Variants in XRN2 observed in about 807,000 individuals in gnomAD.
XRN2 encodes the protein 5'-3' exoribonuclease 2.
XRN2 carries 44 observed loss-of-function variants against 138.5 expected under a neutral mutation model. That is an observed-to-expected ratio of 0.32 (90% CI 0.25 to 0.41). XRN2 has a LOEUF of 0.41. XRN2 is among the 10% of genes least tolerant of loss of function. The pLI is 1.00. For missense variants in XRN2, 937 were observed against 1,169.3 expected (o/e 0.80, Z 2.90); for synonymous variants, 354 against 369.4 (o/e 0.96, Z 0.48).
rs199511198 is a variant in XRN2 at position 21,344,133 on chromosome 20, C to A, written c.1454C>A (p.Ser485Tyr). The change falls in exon 16 of 30, where the codon TCC (serine) becomes TAC (tyrosine). Residue 485 changes from serine (S) to tyrosine (Y), a missense_variant. Physicochemically the swap from Ser to Tyr is moderately radical, Grantham distance 144. This residue lies in a region of XRN2 where 471 missense variants were observed against 581.2 expected (regional missense o/e 0.81). Transcript: ENST00000377191. ...SPNTSFTSDG[S>Y]PSPLGGIKRK... Reference sequence around the variant, plus strand: ...AATACGAGTTTCACATCTGATGGCTCCCCGTCTCCATTAGGAGGAATTAAG... The same window carrying A: ...AATACGAGTTTCACATCTGATGGCTACCCGTCTCCATTAGGAGGAATTAAG... The A allele has an allele frequency of 6.2e-7, 1 of 1,613,242 alleles. No homozygotes were observed. The highest frequency in any genetic ancestry group is 1.3e-5 in the African/African-American group (1 of 75,016).
chr20:21,319,769 A>AT (rs2038012095), intron 1 of XRN2, among the ~76,000 whole-genome samples: 3 of 152,082 alleles, frequency 2.0e-5, no homozygotes, highest in Admixed American at 6.5e-5. Flanking sequence ...CCAACAATAC[A>AT]TTTTTTTAAG....
intron 20 of XRN2, among the ~76,000 whole-genome samples, chr20:21,351,799 A>G (rs1260422014): frequency 6.6e-6 from 1 of 152,112 alleles, no homozygotes; most frequent in African/African-American, 2.4e-5. Context: ...ATTCTTTTGC[A>G]TGTGCATATC....
intron 1 of XRN2, among the ~76,000 whole-genome samples, chr20:21,320,212 T>A (rs183638983): frequency 6.6e-6 from 1 of 152,240 alleles, no homozygotes; most frequent in Admixed American, 6.5e-5. Context: ...TTGTTGTTTG[T>A]TTGTTTCCAC....
At chr20:21,362,445 A>G (rs1019522289) in intron 24 of XRN2, among the ~76,000 whole-genome samples, 3 of 152,100 alleles carry the variant, frequency 2.0e-5, no homozygotes, top group African/African-American at 7.2e-5. Flanking sequence ...CTCGATCTCC[A>G]TTCTAGTTCC....
At chr20:21,323,695 C>CT (rs1181327352) in intron 1 of XRN2, among the ~76,000 whole-genome samples, 1 of 152,184 alleles carries the variant, frequency 6.6e-6, no homozygotes, top group African/African-American at 2.4e-5. Context: ...CTACTCCGTA[C>CT]TTTATTTTTT....
chr20:21,370,045 T>G (rs925470075), intron 27 of XRN2, among the ~76,000 whole-genome samples: 1 of 152,176 alleles, frequency 6.6e-6, no homozygotes, highest in Non-Finnish European at 1.5e-5. Context: ...TGATGAGAGA[T>G]AAATTTATGG....
chr20:21,353,986 CT>C (rs2038545778), intron 20 of XRN2, among the ~76,000 whole-genome samples: 1 of 152,060 alleles, frequency 6.6e-6, no homozygotes, highest in Non-Finnish European at 1.5e-5. Context: ...TAGCATTTGT[CT>C]TTGCTGTGTA....
At chr20:21,342,634 A>G (rs1379686900) in intron 15 of XRN2, among the ~76,000 whole-genome samples, 1 of 152,242 alleles carries the variant, frequency 6.6e-6, no homozygotes, top group African/African-American at 2.4e-5. Context: ...GTAGGGTTGA[A>G]AAAACAATAG....
intron 24 of XRN2, among the ~76,000 whole-genome samples, chr20:21,358,236 C>T (rs747210029): frequency 6.6e-6 from 1 of 152,142 alleles, no homozygotes; most frequent in Non-Finnish European, 1.5e-5. Flanking sequence ...GTTAAGATGA[C>T]ATAGAACAGA....
At chr20:21,328,762 T>G (rs2038163063) in intron 4 of XRN2, 92 bp downstream of exon 4, 1 of 1,126,018 alleles carries the variant, frequency 8.9e-7, no homozygotes, top group Non-Finnish European at 1.3e-6. Context: ...AGAGGCAAGC[T>G]TTTAATTTAA....
intron 1 of XRN2, chr20:21,303,812 G>C: frequency 9.3e-7 from 1 of 1,072,650 alleles, no homozygotes; most frequent in Non-Finnish European, 1.1e-6. Flanking sequence ...GGTCTCGGAA[G>C]AGGTTCAGAG....
At chr20:21,338,063 A>G (rs2038319818) in intron 13 of XRN2, among the ~76,000 whole-genome samples, 1 of 152,150 alleles carries the variant, frequency 6.6e-6, no homozygotes, top group Non-Finnish European at 1.5e-5. Context: ...AGACTTATGT[A>G]TCCGGCATTC....
chr20:21,311,155 A>G (rs534435509), intron 1 of XRN2, among the ~76,000 whole-genome samples: 150 of 152,314 alleles, frequency 9.8e-4, no homozygotes, highest in Middle Eastern at 3.4e-3. Flanking sequence ...GTACAATTCA[A>G]TGGAACCAAG....
intron 28 of XRN2, 108 bp downstream of exon 28, chr20:21,382,165 C>A: frequency 2.4e-6 from 2 of 844,068 alleles, no homozygotes; most frequent in Non-Finnish European, 1.7e-6. Flanking sequence ...GTACTTTTTC[C>A]CACCAAAAAC....
intron 20 of XRN2, among the ~76,000 whole-genome samples, chr20:21,352,982 A>G (rs918226171): frequency 1.3e-5 from 2 of 151,982 alleles, no homozygotes; most frequent in African/African-American, 4.8e-5. Context: ...ATCTGGATGT[A>G]AGGCATTCCT....
rs376816819 is a variant in XRN2 at position 21,340,840 on chromosome 20, G to A, written c.1398G>A (p.Met466Ile). The A allele has an allele frequency of 3.7e-6, 6 of 1,613,926 alleles. No homozygotes were observed. The highest frequency in any genetic ancestry group is 2.2e-5 in the East Asian group (1 of 44,858). Residue 466 changes from methionine (M) to isoleucine (I), a missense_variant, in exon 15 of 30, where the codon ATG (methionine) becomes ATA (isoleucine). Coordinates refer to ENST00000377191, the MANE Select transcript of XRN2 (RefSeq NM_012255.5). ...NPRQAAYEMR[M>I]QNNSSPSISP... Reference sequence around the variant, plus strand: ...GACAAGCAGCCTATGAAATGAGGATGCAGAATAACTCTGTAAGTGGCTTAC... The same window carrying A: ...GACAAGCAGCCTATGAAATGAGGATACAGAATAACTCTGTAAGTGGCTTAC...
In XRN2 at chr20:21,303,381, C is replaced by T. The variant is rs1600663081; in HGVS notation, c.-18C>T. On this transcript the variant is annotated 5_prime_UTR_variant, in exon 1 of 30. Transcript: ENST00000377191. ...CGCTCGTCAGCCGGTCGGCCGCCGCCTCCAGCCGTGTGCCGCTATGGGAGT... is the reference window on the plus strand; with the variant it reads ...CGCTCGTCAGCCGGTCGGCCGCCGCTTCCAGCCGTGTGCCGCTATGGGAGT... The T allele has an allele frequency of 1.3e-6, 2 of 1,546,592 alleles. No homozygotes were observed. The highest frequency in any genetic ancestry group is 2.5e-5 in the East Asian group (1 of 40,060).
Position 21,340,701 on chromosome 20 carries a change from A to C in XRN2, c.1279-20A>C. The stretch of plus-strand genomic sequence containing the variant: ...GTTGTGATTTAATTTTAATTTCTAC[A>C]TTCATTCCATTTATGTTAGAGAGAT... On this transcript the variant is annotated intron_variant, in intron 14 of 29. Transcript: ENST00000377191. 6.2e-7 allele frequency: 1 copy of C among 1,607,324 alleles called. No homozygotes were observed. The highest frequency in any genetic ancestry group is 1.3e-5 in the African/African-American group (1 of 74,806).
chr20:21,375,494 ATAT>A (rs2122339927), intron 27 of XRN2, among the ~76,000 whole-genome samples: 2 of 152,014 alleles, frequency 1.3e-5, no homozygotes, highest in African/African-American at 4.8e-5. Context: ...TTGGTCTCAC[ATAT>A]TTATTATCAT....
Sources: allele counts gnomAD v4.1 joint callset (sites outside exome capture counted in the v4.1 genomes callset), GRCh38; gene constraint gnomAD v4.1.1; regional missense constraint gnomAD v4.1.1; transcripts MANE v1.5; gene names NCBI Gene and HGNC (gene_info 2026-07-23, HGNC 2026-07-21).